Variants in ZFHX3 observed in about 807,000 individuals in gnomAD.
ZFHX3 encodes zinc finger homeobox 3, also known as zinc finger homeobox protein 3.
In ZFHX3, 42 loss-of-function variants were observed where a neutral mutation model predicts 279.1. That is an observed-to-expected ratio of 0.15 (90% CI 0.12 to 0.19). ZFHX3 has a LOEUF of 0.19. Among genes scored for constraint, ZFHX3 ranks in the 10% least tolerant of loss-of-function variants. The pLI, the probability that ZFHX3 is intolerant of heterozygous loss-of-function variation, is 1.00. For synonymous variants in ZFHX3, 2,293 were observed against 1,957.8 expected (o/e 1.17, Z -4.52); for missense variants, 4,981 against 4,754.0 (o/e 1.05, Z -1.40).
chr16:73,273,104 T>C (rs1009961037), intron 4 of ZFHX3, among the ~76,000 whole-genome samples: 1 of 152,130 alleles, frequency 6.6e-6, no homozygotes, highest in African/African-American at 2.4e-5. Flanking sequence ...AATGCTTCTA[T>C]TTCTCCACCA....
intron 1 of ZFHX3, among the ~76,000 whole-genome samples, chr16:73,040,275 C>T (rs1283829258): frequency 6.6e-6 from 1 of 152,072 alleles, no homozygotes; most frequent in East Asian, 1.9e-4. Context: ...GGGCAAGGGA[C>T]AGGCGAGGCC....
chr16:72,857,481 G>A (rs935287672), intron 4 of ZFHX3, among the ~76,000 whole-genome samples: 2 of 152,216 alleles, frequency 1.3e-5, no homozygotes, highest in African/African-American at 4.8e-5. Context: ...GAGCCCAGGA[G>A]TTTGCCCAGC....
intron 4 of ZFHX3, among the ~76,000 whole-genome samples, chr16:72,888,558 G>A (rs2038688207): frequency 6.6e-6 from 1 of 152,224 alleles, no homozygotes; most frequent in Admixed American, 6.5e-5. Flanking sequence ...CCAGGGACAT[G>A]GGGCAGGCTG....
At chr16:73,014,518 C>CTTCTTTTTTTT (rs1964028587) in intron 1 of ZFHX3, 2 of 63,364 alleles carry the variant, frequency 3.2e-5, no homozygotes, top group African/African-American at 1.3e-4. Context: ...ATTTCTTCTT[C>CTTCTTTTTTTT]TTTTTTTTTT....
intron 1 of ZFHX3, among the ~76,000 whole-genome samples, chr16:73,805,288 C>T (rs1010347281): frequency 6.6e-6 from 1 of 152,174 alleles, no homozygotes; most frequent in Non-Finnish European, 1.5e-5. Flanking sequence ...CCTGCCTCAG[C>T]CTCCTAAGTA....
chr16:73,201,751 T>C (rs563438527), intron 5 of ZFHX3, among the ~76,000 whole-genome samples: 4 of 152,362 alleles, frequency 2.6e-5, no homozygotes, highest in Admixed American at 2.6e-4. Flanking sequence ...TGTTTCGTTT[T>C]GGTTCAGGTA....
chr16:72,787,533 AG>A lies in ZFHX3; in HGVS notation c.10742del (p.Pro3581LeufsTer113). On this transcript the variant is annotated frameshift_variant, in exon 10 of 10. Transcript: ENST00000268489. LOFTEE classifies it high-confidence loss of function. ...LLPHSACFPD[P>X]STASTSQSAA... Reference sequence around the variant, plus strand: ...CAGACTGCGAGGTAGATGCGGTGCTAGGATCGGGGAAGCAGGCAGAGTGAGG... The same window carrying A: ...CAGACTGCGAGGTAGATGCGGTGCTAGATCGGGGAAGCAGGCAGAGTGAGG... The A allele has an allele frequency of 6.2e-7, 1 of 1,613,904 alleles. No individual in the cohort carries two copies. The highest frequency in any genetic ancestry group is 8.5e-7 in the Non-Finnish European group (1 of 1,179,934).
intron 1 of ZFHX3, among the ~76,000 whole-genome samples, chr16:73,704,187 G>T (rs747982132): frequency 1.9e-4 from 29 of 152,008 alleles, no homozygotes; most frequent in Non-Finnish European, 3.2e-4. Context: ...AGCACTCTTT[G>T]GTCACTTCTA....
At chr16:72,818,121 T>A (rs1188211308) in intron 5 of ZFHX3, among the ~76,000 whole-genome samples, 1 of 152,210 alleles carries the variant, frequency 6.6e-6, no homozygotes, top group South Asian at 2.1e-4. Context: ...ATGTCTGAGT[T>A]GGGATAACTA....
At chr16:73,211,352 C>G (rs113824963) in intron 5 of ZFHX3, among the ~76,000 whole-genome samples, 33 of 152,112 alleles carry the variant, frequency 2.2e-4, no homozygotes, top group African/African-American at 8.0e-4. Context: ...CCCAATGACA[C>G]TTGAGAGTGA....
chr16:73,127,686 T>TGC, intron 7 of ZFHX3: 1 of 1,162,228 alleles, frequency 8.6e-7, no homozygotes, highest in Non-Finnish European at 1.1e-6. Flanking sequence ...ACCCCGATGC[T>TGC]TTTTCCTGAA....
chr16:72,874,973 G>A (rs1336430911), intron 4 of ZFHX3, among the ~76,000 whole-genome samples: 1 of 152,174 alleles, frequency 6.6e-6, no homozygotes, highest in East Asian at 1.9e-4. Context: ...GTCCAACCTG[G>A]GACAGAAGTC....
At chr16:73,840,716 G>A (rs1002372202) in intron 1 of ZFHX3, among the ~76,000 whole-genome samples, 2 of 152,184 alleles carry the variant, frequency 1.3e-5, no homozygotes, top group South Asian at 2.1e-4. Flanking sequence ...TATACCCTGA[G>A]TGGTCCCACA....
In ZFHX3 at chr16:73,844,765, G is replaced by A. The variant is rs182744027; in HGVS notation, c.-1608+46886C>T. Among the ~76,000 whole-genome samples the A allele has an allele frequency of 2.1e-3, 326 of 151,832 alleles. 3 individuals carry two copies. Among genetic ancestry groups the A allele is most frequent in the African/African-American group, 7.6e-3 (314 of 41,404 alleles). ...GATAGGTAAATGATACTAGATGACA[G>A]AGATAGACAATACAGAGATTAGTAG... On this transcript the variant is annotated intron_variant, in intron 1 of 17. Coordinates refer to the ZFHX3 transcript ENST00000641206.
At chr16:73,065,056 C>A (rs911535280) in intron 8 of ZFHX3, among the ~76,000 whole-genome samples, 1 of 152,240 alleles carries the variant, frequency 6.6e-6, no homozygotes, top group African/African-American at 2.4e-5. Context: ...TTTCCAAGGG[C>A]ATAACTTGGG....
At chr16:73,753,240 C>T (rs2053776857) in intron 1 of ZFHX3, among the ~76,000 whole-genome samples, 1 of 152,132 alleles carries the variant, frequency 6.6e-6, no homozygotes, top group South Asian at 2.1e-4. Flanking sequence ...CGTAACTCTG[C>T]TGACCAAAAC....
chr16:72,995,485 A>C (rs940494775), intron 1 of ZFHX3, among the ~76,000 whole-genome samples: 1 of 152,108 alleles, frequency 6.6e-6, no homozygotes, highest in Admixed American at 6.5e-5. Context: ...GCTGGCACAA[A>C]CCTCTCTGAT....
chr16:73,670,026 T>G (rs2052886468), intron 2 of ZFHX3, among the ~76,000 whole-genome samples: 2 of 152,218 alleles, frequency 1.3e-5, no homozygotes, highest in East Asian at 1.9e-4. Flanking sequence ...AAATAGCACC[T>G]GCAGCGACAC....
chr16:73,228,956 A>G (rs551074828), intron 5 of ZFHX3, among the ~76,000 whole-genome samples: 2 of 152,004 alleles, frequency 1.3e-5, no homozygotes, highest in Non-Finnish European at 2.9e-5. Flanking sequence ...TAGGACTACA[A>G]CTCCAGAACT....
Sources: allele counts gnomAD v4.1 joint callset (sites outside exome capture counted in the v4.1 genomes callset), GRCh38; gene constraint gnomAD v4.1.1; transcripts MANE v1.5; gene names NCBI Gene and HGNC (gene_info 2026-07-23, HGNC 2026-07-21).